Variants in XPO5 observed in about 807,000 individuals in gnomAD.
XPO5 encodes exportin 5.
Under a neutral mutation model 160.6 loss-of-function variants are expected in XPO5, and 46 were observed. The observed-to-expected ratio is 0.29, with a 90% CI of 0.23 to 0.37. The LOEUF is 0.37. XPO5 is among the 10% of genes least tolerant of loss of function. The probability of loss-of-function intolerance (pLI) is 1.00; values close to 1 mark genes in which losing one functional copy is unlikely to be tolerated. For synonymous variants in XPO5, 537 were observed against 519.3 expected (o/e 1.03, Z -0.46); for missense variants, 1,090 against 1,463.9 (o/e 0.74, Z 4.17).
At chr6:43,574,017 A>G (rs761606282) in intron 1 of XPO5, among the ~76,000 whole-genome samples, 2 of 151,838 alleles carry the variant, frequency 1.3e-5, no homozygotes, top group African/African-American at 2.4e-5. Context: ...TTTAGTAGAA[A>G]CAAGGTTTCA....
At chr6:43,547,031 T>G (rs2127727824) in intron 19 of XPO5, among the ~76,000 whole-genome samples, 1 of 152,284 alleles carries the variant, frequency 6.6e-6, no homozygotes, top group East Asian at 1.9e-4. Context: ...AGGACCCTGA[T>G]GAGAAGGTGG....
At chr6:43,562,928 A>T (rs1762485632) in intron 8 of XPO5, among the ~76,000 whole-genome samples, 1 of 152,186 alleles carries the variant, frequency 6.6e-6, no homozygotes, top group Non-Finnish European at 1.5e-5. Flanking sequence ...ACAGGGAAGG[A>T]AGCCATGAAA....
At chr6:43,548,166 C>A in intron 18 of XPO5, 95 bp downstream of exon 18, 1 of 1,240,772 alleles carries the variant, frequency 8.1e-7, no homozygotes, top group Non-Finnish European at 1.1e-6. Context: ...CATCACACTT[C>A]AATATCCTTA....
chr6:43,562,012 T>C (rs770137343), intron 9 of XPO5: 30 of 367,684 alleles, frequency 8.2e-5, no homozygotes, highest in Non-Finnish European at 1.2e-4. Context: ...CTTTATGGAA[T>C]AATAGACGTG....
chr6:43,558,399 T>G, intron 12 of XPO5, 102 bp downstream of exon 12: 1 of 1,016,156 alleles, frequency 9.8e-7, no homozygotes. Flanking sequence ...TATCCAGATT[T>G]GGGGATCTTT....
Position 43,525,196 on chromosome 6 carries a change from A to C in XPO5, c.3085T>G (p.Leu1029Val). 6.3e-7 allele frequency: 1 copy of C among 1,578,976 alleles called. No individual in the cohort carries two copies. Among genetic ancestry groups the C allele is most frequent in the Non-Finnish European group, 8.6e-7 (1 of 1,161,518 alleles). ...MKHEDVCTAL[L>V]ITAFNSLAWK... ...GCCAGGGAATTGAAGGCTGTAATTA[A>C]TAGCGCTGTACAAACATCCTGAACA... The change falls in exon 29 of 32, where the codon TTA becomes GTA. Residue 1029 changes from leucine (L) to valine (V), a missense_variant. Around this residue, in one of 3 missense-constraint regions of XPO5, gnomAD observed 810 missense variants for 1,139.0 expected, o/e 0.71. Coordinates refer to ENST00000265351, the MANE Select transcript of XPO5 (RefSeq NM_020750.3).
intron 24 of XPO5, 26 bp from the exon 25 acceptor site, chr6:43,528,231 G>C (rs1425929886): frequency 2.4e-5 from 38 of 1,574,000 alleles, no homozygotes; most frequent in Non-Finnish European, 3.1e-5. Flanking sequence ...GGAAATAAAT[G>C]CTAGAATTGG....
At chr6:43,556,033 A>G in intron 12 of XPO5, 69 bp from the exon 13 acceptor site, 1 of 1,579,372 alleles carries the variant, frequency 6.3e-7, no homozygotes, top group Non-Finnish European at 8.6e-7. Context: ...CTTAATGTTT[A>G]TTAATTTACC....
Position 43,527,680 on chromosome 6 carries a change from C to T in XPO5, c.2874G>A (p.Glu958=), listed in dbSNP as rs1201280168. Residue 958 remains glutamate (E), a synonymous_variant, in exon 26 of 32, where the codon GAG becomes GAA. Coordinates refer to ENST00000265351, the MANE Select transcript of XPO5 (RefSeq NM_020750.3). ...DENPESQEML[E]EQLVRMLTRE... ...GGGTTAACATCCTCACCAGTTGCTC[C>T]TCCAGCATCTCTTGAGACTCTGGGT... The T allele has an allele frequency of 1.2e-6, 2 of 1,613,992 alleles. No individual in the cohort carries two copies. Among genetic ancestry groups the T allele is most frequent in the Non-Finnish European group, 1.7e-6 (2 of 1,179,884 alleles).
In XPO5 at chr6:43,575,950, G is replaced by GT; in HGVS notation, c.-87dup. 1 of 1,365,498 alleles carries GT rather than the reference G, an allele frequency of 7.3e-7. No individual in the cohort carries two copies. Among genetic ancestry groups the GT allele is most frequent in the Non-Finnish European group, 1.0e-6 (1 of 984,392 alleles). 84.6% of individuals were successfully genotyped at this position (1,365,498 alleles called of 1,614,324 possible). On this transcript the variant is annotated 5_prime_UTR_variant, in exon 1 of 32. Transcript: ENST00000265351. ...GCTCCCTCGGCGAGACCACCCGTTG[G>GT]TACCGGGCCGCGGCGGGCGGCGGGG...
chr6:43,564,922 CTCTT>C (rs1297603401), intron 8 of XPO5, among the ~76,000 whole-genome samples: 1 of 148,848 alleles, frequency 6.7e-6, no homozygotes, highest in African/African-American at 2.5e-5. Context: ...CTCATTTTCT[CTCTT>C]TTTTTTTTTT....
At chr6:43,546,896 C>A in intron 19 of XPO5, 144 bp from the exon 20 acceptor site, 1 of 838,060 alleles carries the variant, frequency 1.2e-6, no homozygotes, top group Non-Finnish European at 1.8e-6. Flanking sequence ...GGCAATCCCC[C>A]ATCCCTTCCT....
intron 14 of XPO5, among the ~76,000 whole-genome samples, chr6:43,551,986 T>A (rs1795250100): frequency 1.3e-5 from 2 of 152,192 alleles, no homozygotes; most frequent in African/African-American, 2.4e-5. Context: ...CTTCTTACCA[T>A]CTTCTCAGCA....
At chr6:43,536,523 C>T (rs1025178789) in intron 20 of XPO5, among the ~76,000 whole-genome samples, 1 of 151,392 alleles carries the variant, frequency 6.6e-6, no homozygotes. Context: ...CTTTAGGAAG[C>T]CGAGGTGGGT....
intron 11 of XPO5, 80 bp from the exon 12 acceptor site, chr6:43,558,671 C>T: frequency 9.3e-7 from 1 of 1,075,616 alleles, no homozygotes; most frequent in Non-Finnish European, 1.3e-6. Flanking sequence ...AGTTCAAGCA[C>T]TTTTAATTTA....
chr6:43,548,415 T>G lies in XPO5; in HGVS notation c.1906A>C (p.Asn636His). The change falls in exon 18 of 32, where the codon AAT becomes CAT. Residue 636 changes from asparagine to histidine, a missense_variant. Transcript: ENST00000265351. Reference sequence around the variant, plus strand: ...TCCATTTGTGTCAGGAGTAGCTCATTGGAGAGGAGTTGCTTCACATGGTTA... The same window carrying G: ...TCCATTTGTGTCAGGAGTAGCTCATGGGAGAGGAGTTGCTTCACATGGTTA... Reference protein sequence around the residue: ...LYNHVKQLLSNELLLTQMEKC... With the variant: ...LYNHVKQLLSHELLLTQMEKC... 1 of 1,605,676 alleles carries G rather than the reference T, an allele frequency of 6.2e-7. No individual in the cohort carries two copies. The highest frequency in any genetic ancestry group is 1.1e-5 in the South Asian group (1 of 90,014).
Position 43,551,355 on chromosome 6 carries a change from A to G in XPO5, c.1671T>C (p.Ser557=). The change falls in exon 15 of 32, where the codon TCT becomes TCC. Residue 557 remains serine, a synonymous_variant. Transcript: ENST00000265351. ...LILSCVLTNV[S]ALFPFVTYRP... is the part of the protein sequence containing the mutation. Reference sequence around the variant, plus strand: ...TGTAGGTGACAAATGGAAAGAGTGCAGAGACATTAGTAAGGACGCAGGACA... The same window carrying G: ...TGTAGGTGACAAATGGAAAGAGTGCGGAGACATTAGTAAGGACGCAGGACA... 6.2e-7 allele frequency: 1 copy of G among 1,614,014 alleles called. No homozygotes were observed. Among genetic ancestry groups the G allele is most frequent in the African/African-American group, 1.3e-5 (1 of 75,046 alleles).
chr6:43,543,721 AGGGAAGACTCTTCCCT>A (rs1794823803), intron 20 of XPO5, among the ~76,000 whole-genome samples: 1 of 151,702 alleles, frequency 6.6e-6, no homozygotes, highest in Non-Finnish European at 1.5e-5. Context: ...GCCCAGGGAC[AGGGAAGACTCTTCCCT>A]GTGATCTTGG....
intron 20 of XPO5, among the ~76,000 whole-genome samples, chr6:43,538,201 G>C (rs1163205608): frequency 8.3e-6 from 1 of 120,360 alleles, no homozygotes; most frequent in East Asian, 2.9e-4. Flanking sequence ...TCAGGCTGGA[G>C]TACAATGGCG....
Sources: allele counts gnomAD v4.1 joint callset (sites outside exome capture counted in the v4.1 genomes callset), GRCh38; gene constraint gnomAD v4.1.1; regional missense constraint gnomAD v4.1.1; transcripts MANE v1.5; gene names NCBI Gene and HGNC (gene_info 2026-07-23, HGNC 2026-07-21).